XYLT1: variants seen among roughly 807,000 people sequenced by gnomAD.
XYLT1 encodes beta-D-xylosyltransferase 1.
XYLT1 carries 36 observed loss-of-function variants against 91.3 expected under a neutral mutation model. That is an observed-to-expected ratio of 0.39 (90% CI 0.30 to 0.52). The LOEUF (loss-of-function observed/expected upper bound fraction) is 0.52, where lower values mean the gene tolerates loss of function less well. XYLT1 is among the 20% of genes least tolerant of loss of function. The pLI, the probability that XYLT1 is intolerant of heterozygous loss-of-function variation, is 0.68. For synonymous variants in XYLT1, 588 were observed against 532.0 expected (o/e 1.11, Z -1.45); for missense variants, 1,242 against 1,284.5 (o/e 0.97, Z 0.51).
intron 1 of XYLT1, among the ~76,000 whole-genome samples, chr16:17,423,132 CCTGGACACCTCG>C (rs1368193949): frequency 1.3e-5 from 2 of 149,790 alleles, no homozygotes; most frequent in African/African-American, 5.1e-5. Context: ...CTGCTAATAT[CCTGGACACCTCG>C]CTGGGCTTGC....
rs3060128 is a variant in XYLT1, at chr16:17,253,823, T to TGAGAGAGAGAGAGA, written c.913+5151_913+5164dup. Among the ~76,000 whole-genome samples, 191 of 114,856 alleles carry TGAGAGAGAGAGAGA rather than the reference T, an allele frequency of 1.7e-3. 2 individuals carry two copies. Among genetic ancestry groups the TGAGAGAGAGAGAGA allele is most frequent in the Admixed American group, 9.1e-3 (99 of 10,912 alleles). 75.3% of individuals were successfully genotyped at this position (114,856 alleles called of 152,430 possible). A position where few individuals can be genotyped will look rare whatever the true frequency, so the allele number is the denominator to read the frequency against. ...CCCTGCCTTCTTCTCCCTTGCAACT[T>TGAGAGAGAGAGAGA]GAGAGAGAGAGAGAGAGAGAGAGAG... On this transcript the variant is annotated intron_variant, in intron 3 of 11. Transcript: ENST00000261381.
chr16:17,174,972 A>G (rs2141561315), intron 5 of XYLT1, among the ~76,000 whole-genome samples: 1 of 152,254 alleles, frequency 6.6e-6, no homozygotes, highest in South Asian at 2.1e-4. Context: ...GGCTTTCATC[A>G]TGTTGGCCAG....
chr16:17,324,299 A>C (rs141074560), intron 2 of XYLT1, among the ~76,000 whole-genome samples: 249 of 152,312 alleles, frequency 1.6e-3, no homozygotes, highest in African/African-American at 5.8e-3. Context: ...AAAAGAAAAA[A>C]ATACCACAAG....
intron 2 of XYLT1, among the ~76,000 whole-genome samples, chr16:17,299,403 G>A (rs2034361113): frequency 6.6e-6 from 1 of 152,044 alleles, no homozygotes; most frequent in South Asian, 2.1e-4. Context: ...ATACCATGCA[G>A]CCCTCTCCAT....
intron 8 of XYLT1, among the ~76,000 whole-genome samples, chr16:17,136,247 A>G (rs1220120629): frequency 1.3e-5 from 2 of 152,202 alleles, no homozygotes; most frequent in Non-Finnish European, 2.9e-5. Flanking sequence ...GACTCACACC[A>G]TTGTAAGATT....
At chr16:17,141,918 T>G (rs1018897490) in intron 6 of XYLT1, among the ~76,000 whole-genome samples, 4 of 152,198 alleles carry the variant, frequency 2.6e-5, no homozygotes, top group Non-Finnish European at 4.4e-5. Flanking sequence ...AATTTTTATT[T>G]TTTGAGACAG....
rs1966791840 is a variant in XYLT1 at position 17,107,395 on chromosome 16, A to G, written c.*1300T>C. The G allele has an allele frequency of 6.6e-6, 1 of 152,312 alleles. No homozygotes were observed. The highest frequency in any genetic ancestry group is 2.1e-4 in the South Asian group (1 of 4,830). 9.4% of individuals were successfully genotyped at this position (152,312 alleles called of 1,614,324 possible). On this transcript the variant is annotated 3_prime_UTR_variant, in exon 12 of 12. Coordinates refer to ENST00000261381, the MANE Select transcript of XYLT1 (RefSeq NM_022166.4). Reference sequence around the variant, plus strand: ...CCTCCTGCGAAGAGCTCTCCTGGTGAACAGGGATGACACTCCAGGGGGCTC... The same window carrying G: ...CCTCCTGCGAAGAGCTCTCCTGGTGGACAGGGATGACACTCCAGGGGGCTC...
At chr16:17,135,358 G>C (rs2030674454) in intron 8 of XYLT1, among the ~76,000 whole-genome samples, 1 of 151,984 alleles carries the variant, frequency 6.6e-6, no homozygotes, top group African/African-American at 2.4e-5. Context: ...CGGAATCTCT[G>C]GGACTTTGAA....
At chr16:17,241,033 G>A (rs946511413) in intron 3 of XYLT1, among the ~76,000 whole-genome samples, 6 of 152,154 alleles carry the variant, frequency 3.9e-5, no homozygotes, top group African/African-American at 7.2e-5. Context: ...AGAGAACTCC[G>A]GCGTAGACAC....
intron 1 of XYLT1, among the ~76,000 whole-genome samples, chr16:17,396,633 G>A (rs1027954622): frequency 1.3e-5 from 2 of 152,198 alleles, no homozygotes; most frequent in Non-Finnish European, 2.9e-5. Context: ...CACTTTGGGA[G>A]GCCGAGGCAG....
chr16:17,385,259 TAA>T (rs2035732732), intron 1 of XYLT1, among the ~76,000 whole-genome samples: 1 of 83,512 alleles, frequency 1.2e-5, no homozygotes, highest in South Asian at 3.5e-4. Context: ...ATAACACACA[TAA>T]ACACACATAC....
intron 11 of XYLT1, 56 bp downstream of exon 11, chr16:17,117,590 C>A: frequency 6.4e-7 from 1 of 1,558,006 alleles, no homozygotes; most frequent in Non-Finnish European, 8.7e-7. Flanking sequence ...CACCAAAGAC[C>A]CTCAAGGTCC....
At chr16:17,290,600 A>G (rs1433243041) in intron 2 of XYLT1, among the ~76,000 whole-genome samples, 2 of 152,270 alleles carry the variant, frequency 1.3e-5, no homozygotes, top group South Asian at 4.1e-4. Context: ...AAAGCCTACC[A>G]TGGAGCATGC....
intron 2 of XYLT1, among the ~76,000 whole-genome samples, chr16:17,336,562 G>C (rs1001001259): frequency 3.9e-5 from 6 of 152,206 alleles, no homozygotes; most frequent in Non-Finnish European, 7.3e-5. Flanking sequence ...GTGTACAGAT[G>C]CAGGTGTGGG....
intron 1 of XYLT1, among the ~76,000 whole-genome samples, chr16:17,453,242 C>T (rs567412562): frequency 9.2e-5 from 14 of 152,316 alleles, no homozygotes; most frequent in African/African-American, 3.4e-4. Context: ...TCTCTTGTGC[C>T]ATTCCTTAAG....
intron 6 of XYLT1, among the ~76,000 whole-genome samples, 187 bp from the exon 7 acceptor site, chr16:17,141,556 G>A (rs1054506259): frequency 3.3e-5 from 5 of 152,160 alleles, no homozygotes; most frequent in South Asian, 2.1e-4. Flanking sequence ...GCATGTCACC[G>A]TATTTACCCC....
intron 5 of XYLT1, among the ~76,000 whole-genome samples, chr16:17,182,204 T>C (rs7205152): frequency 0.51 from 77,875 of 152,050 alleles, 22,998 homozygotes; most frequent in African/African-American, 0.8. Flanking sequence ...CCTTGGTCTG[T>C]ACAGGCTGCT....
intron 10 of XYLT1, among the ~76,000 whole-genome samples, chr16:17,118,190 G>C (rs1046260645): frequency 2.0e-5 from 3 of 152,138 alleles, no homozygotes; most frequent in Non-Finnish European, 2.9e-5. Flanking sequence ...AAGGCCTGTG[G>C]TCCTTTTATT....
chr16:17,307,550 A>T (rs1473762736), intron 2 of XYLT1, among the ~76,000 whole-genome samples: 1 of 152,212 alleles, frequency 6.6e-6, no homozygotes, highest in Non-Finnish European at 1.5e-5. Context: ...TTTATGGCAG[A>T]GAGAGAGCCA....
Sources: allele counts gnomAD v4.1 joint callset (sites outside exome capture counted in the v4.1 genomes callset), GRCh38; gene constraint gnomAD v4.1.1; transcripts MANE v1.5; gene names NCBI Gene and HGNC (gene_info 2026-07-23, HGNC 2026-07-21).